PAPPA2: variants seen among roughly 807,000 people sequenced by gnomAD.
PAPPA2 encodes the protein pappalysin-2.
A neutral mutation model predicts 176.4 loss-of-function variants in PAPPA2; 86 were observed. That is an observed-to-expected ratio of 0.49 (90% CI 0.41 to 0.58). The LOEUF is 0.58. Among genes scored for constraint, PAPPA2 ranks in the 20% least tolerant of loss-of-function variants. The pLI is 0.00. For synonymous variants in PAPPA2, 809 were observed against 852.2 expected (o/e 0.95, Z 0.88); for missense variants, 2,073 against 2,256.9 (o/e 0.92, Z 1.65).
In PAPPA2 at chr1:176,650,127, C is replaced by G. The variant is rs185855145; in HGVS notation, c.1992-20843C>G. Among the ~76,000 whole-genome samples, 11 of 151,518 alleles carry G rather than the reference C, an allele frequency of 7.3e-5. No homozygotes were observed. In the East Asian group the frequency reaches 2.2e-3, roughly 30 times the overall value. On this transcript the variant is annotated intron_variant, in intron 3 of 22. Coordinates refer to ENST00000367662, the MANE Select transcript of PAPPA2 (RefSeq NM_020318.3). ...TCATTATATTATCTCGCTCAATTGTCCCCTTTGTCATTATATGGTAACCTT... is the reference window on the plus strand; with the variant it reads ...TCATTATATTATCTCGCTCAATTGTGCCCTTTGTCATTATATGGTAACCTT...
chr1:176,760,796 A>G (rs555004222), intron 14 of PAPPA2, among the ~76,000 whole-genome samples: 2 of 152,088 alleles, frequency 1.3e-5, no homozygotes, highest in Admixed American at 1.3e-4. Context: ...CCTCAATCAA[A>G]AGCATGGTTT....
chr1:176,510,069 TAAGAAA>T (rs1453743924), intron 1 of PAPPA2, among the ~76,000 whole-genome samples: 1 of 151,452 alleles, frequency 6.6e-6, no homozygotes. Flanking sequence ...AAACAAAAAA[TAAGAAA>T]AAGAAATATG....
At chr1:176,558,122 A>G (rs1395805832) in intron 2 of PAPPA2, among the ~76,000 whole-genome samples, 1 of 152,196 alleles carries the variant, frequency 6.6e-6, no homozygotes, top group Non-Finnish European at 1.5e-5. Context: ...ATTAGACATG[A>G]TATTTCATCA....
Position 176,529,765 on chromosome 1 carries a change from AC to A in PAPPA2, c.-916-25640del, listed in dbSNP as rs1351804840. On this transcript the variant is annotated intron_variant, in intron 1 of 22. Transcript: ENST00000367662. ...ACGTTTGGCAGCATGGTGATCCATC[AC>A]CAGCTTTTTTTTTTTAAACCTTCAA... is the stretch of plus-strand genomic sequence containing the variant. 2.0e-5 allele frequency among the ~76,000 whole-genome samples: 3 copies of A among 149,752 alleles called. No homozygotes were observed. The East Asian group carries it at 5.8e-4, about 29-fold the overall frequency.
intron 17 of PAPPA2, among the ~76,000 whole-genome samples, chr1:176,788,479 T>C (rs2102934746): frequency 6.6e-6 from 1 of 152,344 alleles, no homozygotes; most frequent in South Asian, 2.1e-4. Flanking sequence ...CTGCCACATA[T>C]TTGAAAGAGT....
chr1:176,810,123 T>A (rs557981257), intron 21 of PAPPA2, among the ~76,000 whole-genome samples: 13 of 152,174 alleles, frequency 8.5e-5, no homozygotes, highest in African/African-American at 2.9e-4. Flanking sequence ...GCTAAGACAC[T>A]CCAGTGCAGA....
At chr1:176,726,343 T>C (rs77977790) in intron 12 of PAPPA2, among the ~76,000 whole-genome samples, 5,483 of 152,332 alleles carry the variant, frequency 0.036, 141 homozygotes, top group Admixed American at 0.054. Flanking sequence ...TTTACCTATC[T>C]CTTCATCCTG....
chr1:176,610,348 G>GTC (rs1360326866), intron 3 of PAPPA2, among the ~76,000 whole-genome samples: 2 of 136,472 alleles, frequency 1.5e-5, no homozygotes, highest in South Asian at 4.4e-4. Flanking sequence ...TGTGTGTGGG[G>GTC]GGGGGGAGTA....
intron 21 of PAPPA2, among the ~76,000 whole-genome samples, chr1:176,807,782 C>T (rs1177878939): frequency 2.0e-5 from 3 of 152,042 alleles, no homozygotes; most frequent in Non-Finnish European, 2.9e-5. Flanking sequence ...AGGCGTGAGC[C>T]ACCATGCAAG....
At chr1:176,498,521 G>C in intron 1 of PAPPA2, among the ~76,000 whole-genome samples, 1 of 152,086 alleles carries the variant, frequency 6.6e-6, no homozygotes, top group Admixed American at 6.6e-5. Flanking sequence ...TGGCCAAGGT[G>C]GGTGGATTGC....
intron 3 of PAPPA2, among the ~76,000 whole-genome samples, chr1:176,663,644 T>C (rs898248074): frequency 2.0e-5 from 3 of 152,118 alleles, no homozygotes; most frequent in African/African-American, 2.4e-5. Context: ...TTTCATATAG[T>C]GACTTTCATT....
At chr1:176,570,257 G>C (rs1433164278) in intron 2 of PAPPA2, among the ~76,000 whole-genome samples, 4 of 152,110 alleles carry the variant, frequency 2.6e-5, no homozygotes, top group Non-Finnish European at 4.4e-5. Context: ...CACCTTCTCC[G>C]GCCCTTTGAA....
intron 14 of PAPPA2, among the ~76,000 whole-genome samples, chr1:176,742,222 A>G (rs1662714409): frequency 6.6e-6 from 1 of 152,236 alleles, no homozygotes. Flanking sequence ...CAGAAGGCCT[A>G]GCACATAGTA....
At chr1:176,570,296 G>T (rs542875638) in intron 2 of PAPPA2, among the ~76,000 whole-genome samples, 29 of 152,170 alleles carry the variant, frequency 1.9e-4, no homozygotes, top group Middle Eastern at 3.4e-3. Flanking sequence ...CTCTCTTTTG[G>T]GGGGGTGAAA....
intron 3 of PAPPA2, among the ~76,000 whole-genome samples, chr1:176,629,907 A>C (rs1005903496): frequency 6.6e-6 from 1 of 152,136 alleles, no homozygotes; most frequent in African/African-American, 2.4e-5. Flanking sequence ...TGAAAAATGT[A>C]AGATGTAAGG....
At chr1:176,500,562 A>T (rs1454453684) in intron 1 of PAPPA2, among the ~76,000 whole-genome samples, 1 of 150,372 alleles carries the variant, frequency 6.7e-6, no homozygotes, top group Non-Finnish European at 1.5e-5. Flanking sequence ...AAACTAGTTA[A>T]CTTAGTTCAC....
chr1:176,799,968 T>C, intron 20 of PAPPA2, 93 bp from the exon 21 acceptor site: 3 of 1,264,086 alleles, frequency 2.4e-6, no homozygotes, highest in East Asian at 2.4e-5. Context: ...AGAAATGGAG[T>C]TGGACTCCTG....
chr1:176,578,885 G>A (rs935966583), intron 2 of PAPPA2, among the ~76,000 whole-genome samples: 5 of 152,284 alleles, frequency 3.3e-5, no homozygotes, highest in Admixed American at 6.5e-5. Context: ...ATGAGATGGC[G>A]CCTTTCCCCT....
intron 3 of PAPPA2, among the ~76,000 whole-genome samples, chr1:176,645,592 T>G (rs1307295182): frequency 2.0e-5 from 3 of 151,766 alleles, no homozygotes; most frequent in Non-Finnish European, 4.4e-5. Flanking sequence ...ATTTCTTTTC[T>G]TTTGGATATG....
Sources: allele counts gnomAD v4.1 joint callset (sites outside exome capture counted in the v4.1 genomes callset), GRCh38; gene constraint gnomAD v4.1.1; transcripts MANE v1.5; gene names NCBI Gene and HGNC (gene_info 2026-07-23, HGNC 2026-07-21).